The following PTPRD variants were observed in gnomAD, a reference collection of about 807,000 sequenced individuals.
PTPRD encodes receptor-type tyrosine-protein phosphatase delta.
PTPRD carries 34 observed loss-of-function variants against 214.5 expected under a neutral mutation model. The ratio of observed to expected loss-of-function variants is 0.16; its 90% CI spans 0.12 to 0.21. PTPRD has a LOEUF of 0.21. Ranked by LOEUF, PTPRD falls within the 10% of genes least tolerant of loss-of-function variation. The probability of loss-of-function intolerance (pLI) is 1.00; values close to 1 mark genes in which losing one functional copy is unlikely to be tolerated. For missense variants in PTPRD, 2,545 were observed against 2,398.7 expected (o/e 1.06, Z -1.27); for synonymous variants, 1,128 against 845.7 (o/e 1.33, Z -5.79).
chr9:10,211,804 G>C (rs1196305021), intron 3 of PTPRD, among the ~76,000 whole-genome samples: 2 of 152,086 alleles, frequency 1.3e-5, no homozygotes, highest in South Asian at 2.1e-4. Context: ...GGAAGAGTAA[G>C]AAGAAGAGAG....
intron 10 of PTPRD, among the ~76,000 whole-genome samples, chr9:9,115,796 C>G (rs190743349): frequency 6.6e-6 from 1 of 152,180 alleles, no homozygotes. Flanking sequence ...AAGCACTACT[C>G]AGAATAGCAA....
chr9:9,716,774 C>T (rs565671116), intron 7 of PTPRD, among the ~76,000 whole-genome samples: 244 of 152,044 alleles, frequency 1.6e-3, no homozygotes, highest in African/African-American at 5.7e-3. Flanking sequence ...GAGTAGGTTG[C>T]AAAAATTTTC....
chr9:10,524,338 T>G (rs833405), intron 2 of PTPRD, among the ~76,000 whole-genome samples: 21,422 of 152,078 alleles, frequency 0.14, 2,113 homozygotes, highest in East Asian at 0.5. Flanking sequence ...AAAGTCATTG[T>G]GTTTGATACA....
intron 35 of PTPRD, among the ~76,000 whole-genome samples, chr9:8,413,347 A>T (rs1238305941): frequency 6.6e-6 from 1 of 152,150 alleles, no homozygotes; most frequent in Non-Finnish European, 1.5e-5. Context: ...TGTTCAGTCA[A>T]TGCATTTCAA....
At chr9:10,367,972 C>A (rs2097544452) in intron 2 of PTPRD, among the ~76,000 whole-genome samples, 1 of 152,018 alleles carries the variant, frequency 6.6e-6, no homozygotes, top group Non-Finnish European at 1.5e-5. Context: ...ACAGCCATTA[C>A]TGTTATTATT....
At chr9:9,398,278 C>A (rs1477914557) in intron 8 of PTPRD, among the ~76,000 whole-genome samples, 5 of 151,858 alleles carry the variant, frequency 3.3e-5, no homozygotes, top group Admixed American at 6.6e-5. Flanking sequence ...ATGTTCCCAC[C>A]ATATTTTATA....
At chr9:9,692,565 T>C (rs2803370) in intron 7 of PTPRD, among the ~76,000 whole-genome samples, 95,462 of 151,786 alleles carry the variant, frequency 0.63, 30,392 homozygotes, top group South Asian at 0.67. Context: ...TAATGTGATT[T>C]CTTCAGTTTT....
intron 5 of PTPRD, among the ~76,000 whole-genome samples, chr9:9,920,551 A>T (rs2082270010): frequency 6.6e-6 from 1 of 152,126 alleles, no homozygotes; most frequent in Non-Finnish European, 1.5e-5. Context: ...ATCCACATTA[A>T]TCTGAACGTT....
chr9:9,381,401 A>T, intron 9 of PTPRD, among the ~76,000 whole-genome samples: 1 of 139,078 alleles, frequency 7.2e-6, no homozygotes. Flanking sequence ...TTACTTTGTC[A>T]CCCGGCTGGA....
intron 9 of PTPRD, among the ~76,000 whole-genome samples, chr9:9,285,865 T>C (rs1949183312): frequency 6.6e-6 from 1 of 151,834 alleles, no homozygotes. Context: ...GCTCTATATC[T>C]ATCTATATCT....
intron 7 of PTPRD, among the ~76,000 whole-genome samples, chr9:9,575,801 T>G (rs1812711378): frequency 6.8e-6 from 1 of 148,054 alleles, no homozygotes; most frequent in Non-Finnish European, 1.5e-5. Context: ...AAAAAATAGT[T>G]ACTGAGCCCT....
At chr9:8,725,982 C>G (rs1565586843) in intron 12 of PTPRD, among the ~76,000 whole-genome samples, 1 of 151,310 alleles carries the variant, frequency 6.6e-6, no homozygotes, top group Non-Finnish European at 1.5e-5. Flanking sequence ...ATATTCCCAC[C>G]ACTTCACACA....
chr9:9,684,816 T>C (rs1244641583), intron 7 of PTPRD, among the ~76,000 whole-genome samples: 1 of 151,622 alleles, frequency 6.6e-6, no homozygotes, highest in Non-Finnish European at 1.5e-5. Context: ...AAATGAATGA[T>C]TACAGTCAAG....
rs762977483 is a variant in PTPRD, at chr9:9,181,915, C to A, written c.-143+1389G>T. Among the ~76,000 whole-genome samples the A allele has an allele frequency of 3.6e-4, 54 of 151,948 alleles. 1 individual carries two copies. The highest frequency in any genetic ancestry group is 6.8e-4 in the Non-Finnish European group (46 of 67,950). On this transcript the variant is annotated intron_variant, in intron 10 of 45. Coordinates refer to ENST00000381196, the MANE Select transcript of PTPRD (RefSeq NM_002839.4). The stretch of plus-strand genomic sequence containing the variant: ...CAAACAAGTGGCTTTTAAATGAACA[C>A]TGGAAGATAATGTGCTTGGAAAATG...
chr9:10,501,135 G>C (rs576374946), intron 2 of PTPRD, among the ~76,000 whole-genome samples: 1 of 151,880 alleles, frequency 6.6e-6, no homozygotes, highest in Non-Finnish European at 1.5e-5. Flanking sequence ...CTTAGTGGTT[G>C]TACTAATTTA....
At chr9:9,308,092 AGAG>A (rs1957700958) in intron 9 of PTPRD, among the ~76,000 whole-genome samples, 1 of 152,168 alleles carries the variant, frequency 6.6e-6, no homozygotes, top group Admixed American at 6.5e-5. Flanking sequence ...TTGATGAAAA[AGAG>A]AATGTATAAC....
rs562294896 is a variant in PTPRD at position 10,316,445 on chromosome 9, G to T, written c.-545+24518C>A. ...CTCAGAATAGTCCTTGCATGAGTGG[G>T]TTATGTATTATGATTCACATTATAA... On this transcript the variant is annotated intron_variant, in intron 3 of 45. Coordinates refer to ENST00000381196, the MANE Select transcript of PTPRD (RefSeq NM_002839.4). Among the ~76,000 whole-genome samples, 3 of 151,828 alleles carry T rather than the reference G, an allele frequency of 2.0e-5. No individual in the cohort carries two copies. The South Asian group carries it at 6.2e-4, about 31-fold the overall frequency.
chr9:9,939,544 C>G (rs1174125284), intron 4 of PTPRD, among the ~76,000 whole-genome samples: 1 of 152,138 alleles, frequency 6.6e-6, no homozygotes, highest in Non-Finnish European at 1.5e-5. Context: ...CAGGATTGAC[C>G]AGGTCAATAA....
At chr9:10,092,151 T>G (rs2098438459) in intron 3 of PTPRD, among the ~76,000 whole-genome samples, 1 of 151,540 alleles carries the variant, frequency 6.6e-6, no homozygotes, top group Non-Finnish European at 1.5e-5. Flanking sequence ...AATAGCTGTG[T>G]CTACCAAACC....
Sources: allele counts gnomAD v4.1 joint callset (sites outside exome capture counted in the v4.1 genomes callset), GRCh38; gene constraint gnomAD v4.1.1; transcripts MANE v1.5; gene names NCBI Gene and HGNC (gene_info 2026-07-23, HGNC 2026-07-21).